ATP13A2: variants seen among roughly 807,000 people sequenced by gnomAD.
The protein encoded by ATP13A2 is polyamine-transporting ATPase 13A2.
A neutral mutation model predicts 138.3 loss-of-function variants in ATP13A2; 83 were observed. The ratio of observed to expected loss-of-function variants is 0.60; its 90% confidence interval spans 0.50 to 0.72. The LOEUF is 0.72. Among genes scored for constraint, ATP13A2 ranks in the 30% least tolerant of loss-of-function variants. ATP13A2 has a pLI of 0.00. For synonymous variants in ATP13A2, 663 were observed against 699.0 expected (o/e 0.95, Z 0.81); for missense variants, 1,402 against 1,606.4 (o/e 0.87, Z 2.17).
chr1:16,991,718 C>T lies in ATP13A2; in HGVS notation c.2251+16G>A. 1 of 1,614,070 alleles carries T rather than the reference C, an allele frequency of 6.2e-7. No homozygotes were observed. The highest frequency in any genetic ancestry group is 1.1e-5 in the South Asian group (1 of 91,090). ...GATTCTGCCCTGCTAGCCCGGGCCC[C>T]TACATGCCATTGTACCTGTCACCAT... On this transcript the variant is annotated intron_variant, in intron 20 of 28. Transcript: ENST00000326735.
rs897117000 is a variant in ATP13A2, at chr1:17,000,499, G to C, written c.741C>G (p.Ser247Arg). Residue 247 changes from serine (S) to arginine (R), a missense_variant, in exon 9 of 29, where the codon AGC becomes AGG. Transcript: ENST00000326735. ...AGTGGTCAGCCAGCCACAGCGCGATGCTGAAGGCCTGGAACCCATAGTAGG... is the reference window on the plus strand; with the variant it reads ...AGTGGTCAGCCAGCCACAGCGCGATCCTGAAGGCCTGGAACCCATAGTAGG... ...LNPYYGFQAFSIALWLADHYY... is the reference protein window; with the variant it reads ...LNPYYGFQAFRIALWLADHYY... 1 of 1,613,988 alleles carries C rather than the reference G, an allele frequency of 6.2e-7. No homozygotes were observed. The highest frequency in any genetic ancestry group is 8.5e-7 in the Non-Finnish European group (1 of 1,180,006).
chr1:17,004,567 C>T lies in ATP13A2; in HGVS notation c.477+125G>A. 1 of 1,587,790 alleles carries T rather than the reference C, an allele frequency of 6.3e-7. No individual in the cohort carries two copies. Among genetic ancestry groups the T allele is most frequent in the Non-Finnish European group, 8.6e-7 (1 of 1,162,062 alleles). ...GCCTGAAAGTGTAAACGTGCTCAGACAGCATCCTGGATGTTTGGGACAACA... is the reference window on the plus strand; with the variant it reads ...GCCTGAAAGTGTAAACGTGCTCAGATAGCATCCTGGATGTTTGGGACAACA... On this transcript the variant is annotated intron_variant, in intron 5 of 28. Transcript: ENST00000326735. This position sits in a 1 kb window ranked among gnomAD's most constrained non-coding sequence, Gnocchi z 4.1.
chr1:17,011,706 G>C lies in ATP13A2; in HGVS notation c.10+23C>G. 2.7e-6 allele frequency: 4 copies of C among 1,487,164 alleles called. No homozygotes were observed. Among genetic ancestry groups the C allele is most frequent in the Non-Finnish European group, 3.6e-6 (4 of 1,125,300 alleles). 92.1% of individuals were successfully genotyped at this position (1,487,164 alleles called of 1,614,324 possible). ...GGCCGGGGACCGCGCCGGGCTCGGG[G>C]CCGACCCGGACTCCGCACTCACCTG... On this transcript the variant is annotated intron_variant, in intron 1 of 28. Transcript: ENST00000326735. The surrounding 1 kb of genome is among the most constrained non-coding windows in gnomAD (Gnocchi z 7.3).
intron 11 of ATP13A2, among the ~76,000 whole-genome samples, chr1:16,999,546 C>A (rs1415434134): frequency 6.6e-6 from 1 of 152,088 alleles, no homozygotes; most frequent in African/African-American, 2.4e-5. Context: ...GGAGATGATA[C>A]GTGGTAACGG....
Position 17,000,486 on chromosome 1 carries a change from G to A in ATP13A2, c.754C>T (p.Leu252=). Residue 252 remains leucine (L), a synonymous_variant, in exon 9 of 29, where the codon CTG becomes TTG. Coordinates refer to ENST00000326735, the MANE Select transcript of ATP13A2 (RefSeq NM_022089.4). ...GCGTACCAGTAGTAGTGGTCAGCCA[G>A]CCACAGCGCGATGCTGAAGGCCTGG... is the stretch of plus-strand genomic sequence containing the variant. The part of the protein sequence containing the change: ...GFQAFSIALW[L]ADHYYWYALC... The A allele has an allele frequency of 6.2e-7, 1 of 1,614,122 alleles. No homozygotes were observed. Among genetic ancestry groups the A allele is most frequent in the Non-Finnish European group, 8.5e-7 (1 of 1,180,010 alleles).
chr1:17,009,410 TA>T (rs1226232261), intron 1 of ATP13A2, among the ~76,000 whole-genome samples: 11 of 126,962 alleles, frequency 8.7e-5, no homozygotes, highest in South Asian at 5.1e-4. Context: ...TTTTTTTTTT[TA>T]AAAGAGACAG....
chr1:17,009,562 T>A (rs1378857181), intron 1 of ATP13A2, among the ~76,000 whole-genome samples: 1 of 151,880 alleles, frequency 6.6e-6, no homozygotes, highest in East Asian at 1.9e-4. Context: ...TGCACCAGGC[T>A]AATTTTTTTT....
chr1:16,988,318 T>C lies in ATP13A2; in HGVS notation c.2762+4A>G. 6.2e-7 allele frequency: 1 copy of C among 1,614,202 alleles called. No homozygotes were observed. Among genetic ancestry groups the C allele is most frequent in the Non-Finnish European group, 8.5e-7 (1 of 1,180,030 alleles). On this transcript the variant is annotated splice_donor_region_variant and intron_variant, in intron 24 of 28. Transcript: ENST00000326735. ...CCTCACCCACCGGTCCCTGCCTGCCTTACCTGATGACCATGGGCACGCACT... is the reference window on the plus strand; with the variant it reads ...CCTCACCCACCGGTCCCTGCCTGCCCTACCTGATGACCATGGGCACGCACT...
At position 16,988,356 on chromosome 1, in the gene ATP13A2, T is replaced by G; in HGVS notation, c.2728A>C (p.Met910Leu). The change falls in exon 24 of 29, where the codon ATG becomes CTG. Residue 910 changes from methionine (M) to leucine (L), a missense_variant. Coordinates refer to ENST00000326735, the MANE Select transcript of ATP13A2 (RefSeq NM_022089.4). ...ASVVSPFTSS[M>L]ASIECVPMVI... ...ATGGGCACGCACTCAATACTGGCCA[T>G]GCTCGAGGTGAAGGGTGAGACCACT... The G allele has an allele frequency of 6.2e-7, 1 of 1,614,124 alleles. No individual in the cohort carries two copies. The highest frequency in any genetic ancestry group is 1.7e-5 in the Admixed American group (1 of 60,028).
In ATP13A2 at chr1:16,997,121, C is replaced by A. The variant is rs774203193; in HGVS notation, c.1094G>T (p.Cys365Phe). The change falls in exon 12 of 29, where the codon TGT becomes TTT. Residue 365 changes from cysteine (C) to phenylalanine (F), a missense_variant. Cys to Phe is a radical substitution (Grantham distance 205). Coordinates refer to ENST00000326735, the MANE Select transcript of ATP13A2 (RefSeq NM_022089.4). ...TALPEGLGPY[C>F]AETHRRHTLF... ...TGTGTGCCGCCGGTGTGTCTCTGCACAGTAGGGCCCCAGCCCCTCCGGCAG... is the reference window on the plus strand; with the variant it reads ...TGTGTGCCGCCGGTGTGTCTCTGCAAAGTAGGGCCCCAGCCCCTCCGGCAG... 1 of 1,613,638 alleles carries A rather than the reference C, an allele frequency of 6.2e-7. No homozygotes were observed. The highest frequency in any genetic ancestry group is 1.3e-5 in the African/African-American group (1 of 74,920).
chr1:16,988,297 AC>A, intron 24 of ATP13A2, 24 bp downstream of exon 24: 1 of 1,614,012 alleles, frequency 6.2e-7, no homozygotes, highest in Non-Finnish European at 8.5e-7. Context: ...CTGAGCCCTC[AC>A]CCACCGGTCC....
rs1180515214 is a variant in ATP13A2, at chr1:16,986,647, GTCTC to G, written c.3236-19_3236-16del. 2.4e-5 allele frequency: 39 copies of G among 1,601,850 alleles called. No individual in the cohort carries two copies. Among genetic ancestry groups the G allele is most frequent in the Non-Finnish European group, 3.3e-5 (39 of 1,176,862 alleles). On this transcript the variant is annotated splice_polypyrimidine_tract_variant and intron_variant, in intron 27 of 28. Transcript: ENST00000326735. This position sits in a 1 kb window ranked among gnomAD's most constrained non-coding sequence, Gnocchi z 6.9. ...CAGGAAGGGCACTGGGAGCAGGAGA[GTCTC>G]TCAGGCAGGAGCCACGCCCCCCCGG...
At position 17,004,751 on chromosome 1, in the gene ATP13A2, C is replaced by CCT; in HGVS notation, c.416_417dup (p.Gly140ArgfsTer17). On this transcript the variant is annotated frameshift_variant, in exon 5 of 29. Transcript: ENST00000326735. LOFTEE classifies it high-confidence loss of function. This position sits in a 1 kb window ranked among gnomAD's most constrained non-coding sequence, Gnocchi z 4.1. The stretch of plus-strand genomic sequence containing the variant: ...AGCTGGGCCGTATCCTTCCAGGCAC[C>CCT]CTCTGGTACCGCCCCAACTGCCGCC... The CCT allele has an allele frequency of 6.2e-7, 1 of 1,614,114 alleles. No individual in the cohort carries two copies. Among genetic ancestry groups the CCT allele is most frequent in the Non-Finnish European group, 8.5e-7 (1 of 1,180,036 alleles).
At chr1:17,006,008 G>A (rs2077546567) in intron 1 of ATP13A2, among the ~76,000 whole-genome samples, 1 of 152,058 alleles carries the variant, frequency 6.6e-6, no homozygotes, top group Non-Finnish European at 1.5e-5. Context: ...GGCAGCGCGT[G>A]CCTGTAATCT....
Position 16,996,180 on chromosome 1 carries a change from A to G in ATP13A2, c.1354-16T>C, listed in dbSNP as rs1225834070. The G allele has an allele frequency of 3.1e-6, 5 of 1,614,048 alleles. No homozygotes were observed. Among genetic ancestry groups the G allele is most frequent in the Non-Finnish European group, 4.2e-6 (5 of 1,180,054 alleles). On this transcript the variant is annotated splice_polypyrimidine_tract_variant and intron_variant, in intron 14 of 28. Coordinates refer to ENST00000326735, the MANE Select transcript of ATP13A2 (RefSeq NM_022089.4). ...TCAGAGGCACCTGGCAGGGGGCACC[A>G]TGAATGTGAGCACCTGGCTGGTTGG... is the stretch of plus-strand genomic sequence containing the variant.
intron 11 of ATP13A2, among the ~76,000 whole-genome samples, chr1:16,999,396 AAAAAAAAAAG>A (rs1206687673): frequency 1.3e-5 from 2 of 149,928 alleles, no homozygotes; most frequent in African/African-American, 4.9e-5. Flanking sequence ...AAAAAAAAAA[AAAAAAAAAAG>A]GAGAAATAGC....
intron 15 of ATP13A2, among the ~76,000 whole-genome samples, chr1:16,994,994 C>T (rs558403232): frequency 1.6e-4 from 25 of 152,256 alleles, no homozygotes; most frequent in South Asian, 6.2e-4. Flanking sequence ...CTGTGGCCCC[C>T]GACAGCCTCT....
chr1:17,004,813 G>A lies in ATP13A2; in HGVS notation c.356C>T (p.Pro119Leu), dbSNP rs752619582. Residue 119 changes from proline (P) to leucine (L), a missense_variant, in exon 5 of 29, where the codon CCG (proline) becomes CTG (leucine). Coordinates refer to ENST00000326735, the MANE Select transcript of ATP13A2 (RefSeq NM_022089.4). The surrounding 1 kb of genome is among the most constrained non-coding windows in gnomAD (Gnocchi z 4.1). ...TEAIGEGSLE[P>L]SPQSQAEDGR... ...ATCCTCTGCCTGGGACTGTGGGGAC[G>A]GCTCCAGGCTGGGGAAGCAGGTGAG... is the stretch of plus-strand genomic sequence containing the variant. 116 of 1,613,774 alleles carry A rather than the reference G, an allele frequency of 7.2e-5. No individual in the cohort carries two copies. Among genetic ancestry groups the A allele is most frequent in the African/African-American group, 3.3e-4 (25 of 74,932 alleles).
intron 1 of ATP13A2, among the ~76,000 whole-genome samples, chr1:17,010,026 G>A (rs926702): frequency 6.6e-6 from 1 of 151,728 alleles, no homozygotes; most frequent in Non-Finnish European, 1.5e-5. Context: ...CACAGGCTGT[G>A]TGGGGGGGCG....
Sources: gnomAD v4.1 joint callset for allele counts (sites outside exome capture counted in the v4.1 genomes callset) on GRCh38, gnomAD v4.1.1 for gene constraint, Gnocchi (gnomAD v3.1) non-coding constraint, MANE v1.5 for transcripts, NCBI Gene and HGNC (gene_info 2026-07-23, HGNC 2026-07-21) for gene names.